SH3KBP1: variants seen among roughly 807,000 people sequenced by gnomAD.
SH3KBP1 encodes the protein SH3 domain-containing kinase-binding protein 1.
SH3KBP1 carries 8 observed loss-of-function variants against 50.1 expected under a neutral mutation model. The observed-to-expected ratio is 0.16, with a 90% confidence interval of 0.09 to 0.29. SH3KBP1 has a LOEUF of 0.29. Among genes scored for constraint, SH3KBP1 ranks in the 10% least tolerant of loss-of-function variants. The probability of loss-of-function intolerance (pLI) is 1.00; values close to 1 mark genes in which losing one functional copy is unlikely to be tolerated. For missense variants in SH3KBP1, 377 were observed against 535.2 expected (o/e 0.70, Z 2.92); for synonymous variants, 227 against 218.6 (o/e 1.04, Z -0.34).
chrX:19,813,682 A>G (rs1170665023), intron 2 of SH3KBP1, among the ~76,000 whole-genome samples: 1 of 110,668 alleles, frequency 9.0e-6, no homozygotes, highest in African/African-American at 3.3e-5. Flanking sequence ...GCCAGGACAG[A>G]CTGGCATCAC....
chrX:19,833,806 T>G (rs1483897094), intron 2 of SH3KBP1, among the ~76,000 whole-genome samples: 1 of 111,829 alleles, frequency 8.9e-6, no homozygotes, highest in Non-Finnish European at 1.9e-5. Flanking sequence ...CCCTTTTATC[T>G]GGAAAAACCC....
rs1344357982 is a variant in SH3KBP1, at chrX:19,657,746, A to AATG, written c.727-12272_727-12271insCAT. ...CATCTAAAATAATAATAATAATAATAATAATAATAGAAATTCTGACACATG... is the reference window on the plus strand; with the variant it reads ...CATCTAAAATAATAATAATAATAATAATGATAATAATAGAAATTCTGACACATG... On this transcript the variant is annotated intron_variant, in intron 6 of 17. Transcript: ENST00000397821. Among the ~76,000 whole-genome samples, 94 of 109,272 alleles carry AATG rather than the reference A, an allele frequency of 8.6e-4. 1 individual carries two copies. Among genetic ancestry groups the AATG allele is most frequent in the Non-Finnish European group, 1.4e-3 (74 of 52,593 alleles). 94.9% of individuals were successfully genotyped at this position (109,272 alleles called of 115,157 possible). A position where few individuals can be genotyped will look rare whatever the true frequency, so the allele number is the denominator to read the frequency against.
chrX:19,588,900 T>C, intron 11 of SH3KBP1, 98 bp from the exon 12 acceptor site: 1 of 707,833 alleles, frequency 1.4e-6, no homozygotes, highest in Non-Finnish European at 2.0e-6. Flanking sequence ...AAAAAATTAC[T>C]GATGCTATTT....
intron 1 of SH3KBP1, among the ~76,000 whole-genome samples, chrX:19,867,908 T>C (rs750448382): frequency 4.5e-5 from 5 of 111,435 alleles, no homozygotes; most frequent in African/African-American, 1.6e-4. Flanking sequence ...TAAATCGAGC[T>C]GCCTAAAGGA....
intron 1 of SH3KBP1, among the ~76,000 whole-genome samples, chrX:19,882,914 T>C (rs1380229106): frequency 8.9e-6 from 1 of 112,057 alleles, no homozygotes; most frequent in Non-Finnish European, 1.9e-5. Flanking sequence ...GAATCCACAC[T>C]GTACTGTCTT....
chrX:19,732,596 TACACACACACACACACACACACAC>T (rs60032683), intron 3 of SH3KBP1, among the ~76,000 whole-genome samples: 1 of 90,750 alleles, frequency 1.1e-5, no homozygotes, highest in African/African-American at 4.0e-5. Flanking sequence ...TAAAAATCCC[TACACACACACACACACACACACAC>T]ACACACACAC....
chrX:19,886,620 G>T (rs187474044), intron 1 of SH3KBP1, among the ~76,000 whole-genome samples: 1 of 111,774 alleles, frequency 8.9e-6, no homozygotes, highest in African/African-American at 3.3e-5. Flanking sequence ...CCCAGACCCT[G>T]AAGACTTAAA....
intron 6 of SH3KBP1, among the ~76,000 whole-genome samples, chrX:19,673,946 C>T (rs745388184): frequency 9.8e-5 from 11 of 112,299 alleles, no homozygotes; most frequent in South Asian, 3.7e-4. Context: ...GAATTCCCAA[C>T]GTCTTTTAAC....
At chrX:19,714,542 C>A (rs1274432217) in intron 3 of SH3KBP1, among the ~76,000 whole-genome samples, 1 of 110,304 alleles carries the variant, frequency 9.1e-6, no homozygotes, top group Non-Finnish European at 1.9e-5. Context: ...GTATAGATAC[C>A]TAATAGACTA....
intron 2 of SH3KBP1, among the ~76,000 whole-genome samples, chrX:19,776,762 C>G (rs1382601570): frequency 1.8e-5 from 2 of 109,116 alleles, no homozygotes; most frequent in East Asian, 5.7e-4. Flanking sequence ...CTACGTTTCC[C>G]AGGATGGTCT....
intron 6 of SH3KBP1, among the ~76,000 whole-genome samples, chrX:19,650,043 C>T (rs762152578): frequency 7.4e-4 from 83 of 111,819 alleles, no homozygotes; most frequent in South Asian, 1.5e-3. Flanking sequence ...TCCAAGAATA[C>T]CACATACAAC....
chrX:19,878,493 TGTGTGTGTGTGTGAGAGAGAGAGA>T (rs1458108234), intron 1 of SH3KBP1, among the ~76,000 whole-genome samples: 3 of 81,643 alleles, frequency 3.7e-5, no homozygotes, highest in African/African-American at 8.0e-5. Context: ...TGTGTGTGTG[TGTGTGTGTGTGTGAGAGAGAGAGA>T]GAGAGAGAGA....
At chrX:19,793,706 CATTAACCTACT>C (rs1205253048) in intron 2 of SH3KBP1, among the ~76,000 whole-genome samples, 3 of 111,772 alleles carry the variant, frequency 2.7e-5, no homozygotes, top group Non-Finnish European at 5.6e-5. Context: ...CCCTGAGTCA[CATTAACCTACT>C]TCAGATGCTA....
chrX:19,799,760 C>T (rs867000303), intron 2 of SH3KBP1: 2 of 1,186,732 alleles, frequency 1.7e-6, no homozygotes, highest in Middle Eastern at 2.3e-4. Context: ...TCTCCGAGAA[C>T]TGCAAGTCTC....
chrX:19,637,504 C>T (rs988603465), intron 7 of SH3KBP1, among the ~76,000 whole-genome samples: 6 of 111,624 alleles, frequency 5.4e-5, no homozygotes, highest in African/African-American at 6.5e-5. Context: ...GTATCTGAAA[C>T]GGGACAATCA....
intron 1 of SH3KBP1, among the ~76,000 whole-genome samples, chrX:19,872,077 C>T (rs988758574): frequency 9.3e-6 from 1 of 107,833 alleles, no homozygotes; most frequent in Non-Finnish European, 1.9e-5. Flanking sequence ...TATGGTGAAA[C>T]CCTGTCTCTA....
chrX:19,636,321 T>C (rs186109587), intron 7 of SH3KBP1, among the ~76,000 whole-genome samples: 6 of 108,897 alleles, frequency 5.5e-5, no homozygotes, highest in African/African-American at 2.0e-4. Flanking sequence ...TAAAAAGCAA[T>C]GACTCTTTCC....
chrX:19,854,446 T>C (rs1805506627), intron 1 of SH3KBP1, among the ~76,000 whole-genome samples: 1 of 111,632 alleles, frequency 9.0e-6, no homozygotes, highest in African/African-American at 3.3e-5. Context: ...TACCTAGAAC[T>C]AGCACTGAGT....
intron 12 of SH3KBP1, among the ~76,000 whole-genome samples, chrX:19,584,279 AT>A (rs1438517512): frequency 4.2e-5 from 4 of 95,709 alleles, no homozygotes; most frequent in African/African-American, 1.5e-4. Flanking sequence ...TTATATATAT[AT>A]AAATATATTT....
Sources: allele counts gnomAD v4.1 joint callset (sites outside exome capture counted in the v4.1 genomes callset), GRCh38; gene constraint gnomAD v4.1.1; transcripts MANE v1.5; gene names NCBI Gene and HGNC (gene_info 2026-07-23, HGNC 2026-07-21).